PTTG1IP2: variants seen among roughly 807,000 people sequenced by gnomAD.
PTTG1IP2 encodes PTTG1IP family member 2.
At chr7:90,489,359 G>A (rs956897864) in intron 4 of PTTG1IP2, among the ~76,000 whole-genome samples, 3 of 151,560 alleles carry the variant, frequency 2.0e-5, no homozygotes, top group African/African-American at 7.3e-5. Context: ...TTTGCTATTA[G>A]TAGGTATTAT....
At chr7:90,489,367 T>C (rs1444717942) in intron 4 of PTTG1IP2, among the ~76,000 whole-genome samples, 2 of 151,908 alleles carry the variant, frequency 1.3e-5, no homozygotes, top group Non-Finnish European at 3.0e-5. Flanking sequence ...TAGTAGGTAT[T>C]ATCATTGTGT....
chr7:90,483,146 T>C (rs543017047), intron 2 of PTTG1IP2, among the ~76,000 whole-genome samples: 15 of 152,078 alleles, frequency 9.9e-5, no homozygotes, highest in African/African-American at 3.6e-4. Context: ...CTGTTGGGAG[T>C]CCTTCAGCTG....
At chr7:90,476,072 CT>C (rs1797745268) in intron 1 of PTTG1IP2, among the ~76,000 whole-genome samples, 1 of 151,856 alleles carries the variant, frequency 6.6e-6, no homozygotes, top group Admixed American at 6.6e-5. Flanking sequence ...CATTTGGACA[CT>C]TGAAGAGTCA....
chr7:90,473,842 T>C (rs1484292739), intron 1 of PTTG1IP2, among the ~76,000 whole-genome samples: 2 of 152,228 alleles, frequency 1.3e-5, no homozygotes, highest in Admixed American at 1.3e-4. Context: ...ACTAGGCCCA[T>C]GCTTTCTGTG....
At chr7:90,472,855 A>T (rs1341534616) in intron 1 of PTTG1IP2, among the ~76,000 whole-genome samples, 1 of 152,166 alleles carries the variant, frequency 6.6e-6, no homozygotes, top group Admixed American at 6.5e-5. Context: ...TAAGATTTTG[A>T]CCAGCAGGCA....
chr7:90,498,103 G>T (rs541835805), intron 6 of PTTG1IP2, among the ~76,000 whole-genome samples: 303 of 151,868 alleles, frequency 2.0e-3, no homozygotes, highest in Non-Finnish European at 3.7e-3. Flanking sequence ...TCGGCTCACT[G>T]CAAGCTTTGC....
chr7:90,488,873 G>T lies in PTTG1IP2; in HGVS notation c.289G>T (p.Asp97Tyr), dbSNP rs1173262184. 1 of 151,816 alleles carries T rather than the reference G, an allele frequency of 6.6e-6. No homozygotes were observed. The highest frequency in any genetic ancestry group is 1.5e-5 in the Non-Finnish European group (1 of 67,814). The allele number at this position is 151,816 out of a possible 1,614,324, so 9.4% of individuals were successfully genotyped here. ...SSIYWLNCKV[D>Y]MFGIMMLLLI... ...ATATTTCTTTTTATACATTTCAGTT[G>T]ACATGTTTGGAATCATGATGCTTCT... The change falls in exon 4 of 7, where the codon GAC becomes TAC. Residue 97 changes from aspartate (D) to tyrosine (Y), a missense_variant and splice_region_variant. Physicochemically the swap from Asp to Tyr is radical, Grantham distance 160. Coordinates refer to ENST00000509356, the MANE Select transcript of PTTG1IP2 (RefSeq NM_001365443.2).
At chr7:90,479,629 C>T (rs17866766) in intron 2 of PTTG1IP2, among the ~76,000 whole-genome samples, 1 of 152,136 alleles carries the variant, frequency 6.6e-6, no homozygotes, top group Non-Finnish European at 1.5e-5. Flanking sequence ...CTTCTATTTC[C>T]TAAAGACTAG....
chr7:90,508,829 C>T (rs539403178), intron 6 of PTTG1IP2, among the ~76,000 whole-genome samples: 2 of 152,270 alleles, frequency 1.3e-5, no homozygotes, highest in South Asian at 2.1e-4. Context: ...TGAAACGTAG[C>T]GTGGTGAATG....
intron 2 of PTTG1IP2, among the ~76,000 whole-genome samples, chr7:90,482,681 C>T (rs578006755): frequency 1.2e-4 from 19 of 152,200 alleles, no homozygotes; most frequent in Admixed American, 2.6e-4. Flanking sequence ...ATCCTTGGAA[C>T]GAAAGTTCTC....
intron 6 of PTTG1IP2, among the ~76,000 whole-genome samples, chr7:90,498,414 G>A (rs1388681477): frequency 6.6e-6 from 1 of 152,220 alleles, no homozygotes; most frequent in African/African-American, 2.4e-5. Flanking sequence ...TATGCTGCCT[G>A]TAGGAGACTC....
chr7:90,481,718 G>T (rs1010908142), intron 2 of PTTG1IP2, among the ~76,000 whole-genome samples: 5 of 151,934 alleles, frequency 3.3e-5, no homozygotes, highest in Non-Finnish European at 7.4e-5. Context: ...GTACATTTTT[G>T]AATTGTAACT....
At chr7:90,503,716 G>C (rs1373448432) in intron 6 of PTTG1IP2, among the ~76,000 whole-genome samples, 3 of 152,150 alleles carry the variant, frequency 2.0e-5, no homozygotes, top group South Asian at 2.1e-4. Context: ...TGTCTCTTAT[G>C]GGTGCAGTTT....
intron 6 of PTTG1IP2, among the ~76,000 whole-genome samples, chr7:90,509,534 A>C (rs1217974500): frequency 6.6e-6 from 1 of 152,124 alleles, no homozygotes; most frequent in African/African-American, 2.4e-5. Context: ...CTGCATGTTG[A>C]ATTAGTAGTG....
At chr7:90,484,867 T>C (rs1797850951) in intron 2 of PTTG1IP2, among the ~76,000 whole-genome samples, 1 of 152,230 alleles carries the variant, frequency 6.6e-6, no homozygotes. Context: ...GGGAATTGAC[T>C]TTATTTTTCT....
intron 5 of PTTG1IP2, among the ~76,000 whole-genome samples, chr7:90,493,798 C>A (rs6465266): frequency 6.6e-6 from 1 of 152,222 alleles, no homozygotes; most frequent in African/African-American, 2.4e-5. Context: ...GGTCTGAAGA[C>A]GGAGGGAGAG....
intron 1 of PTTG1IP2, among the ~76,000 whole-genome samples, chr7:90,475,745 G>C (rs1159986611): frequency 6.6e-6 from 1 of 152,100 alleles, no homozygotes; most frequent in Non-Finnish European, 1.5e-5. Flanking sequence ...TGGATCACGA[G>C]GTCAGGAGAT....
chr7:90,504,551 T>C lies in PTTG1IP2; in HGVS notation c.*51-8727T>C, dbSNP rs553630082. Among the ~76,000 whole-genome samples, 154 of 152,272 alleles carry C rather than the reference T, an allele frequency of 1.0e-3. 1 individual carries two copies. The highest frequency in any genetic ancestry group is 1.3e-3 in the Non-Finnish European group (90 of 68,006). On this transcript the variant is annotated intron_variant, in intron 6 of 6. Transcript: ENST00000509356. ...CAGCTATAGACCATACATAAATGAATGTATGTGGCTGTGTTTCAATAAATT... is the reference window on the plus strand; with the variant it reads ...CAGCTATAGACCATACATAAATGAACGTATGTGGCTGTGTTTCAATAAATT...
chr7:90,505,287 A>G (rs1214949334), intron 6 of PTTG1IP2, among the ~76,000 whole-genome samples: 1 of 152,222 alleles, frequency 6.6e-6, no homozygotes, highest in Non-Finnish European at 1.5e-5. Flanking sequence ...ATCCACAAAC[A>G]TGGATGTTAG....
Sources: gnomAD v4.1 joint callset for allele counts (sites outside exome capture counted in the v4.1 genomes callset) on GRCh38, gnomAD v4.1.1 for gene constraint, MANE v1.5 for transcripts, NCBI Gene and HGNC (gene_info 2026-07-23, HGNC 2026-07-21) for gene names.